The following ESPL1 variants were observed in gnomAD, a reference collection of about 807,000 sequenced individuals.
The protein encoded by ESPL1 is extra spindle pole bodies like 1, separase, also known as separin.
ESPL1 carries 50 observed loss-of-function variants against 217.2 expected under a neutral mutation model. The ratio of observed to expected loss-of-function variants is 0.23; its 90% CI spans 0.18 to 0.29. The LOEUF is 0.29. ESPL1 is among the 10% of genes least tolerant of loss of function. The pLI, the probability that ESPL1 is intolerant of heterozygous loss-of-function variation, is 1.00. For missense variants in ESPL1, 1,834 were observed against 2,603.0 expected (o/e 0.70, Z 6.43); for synonymous variants, 994 against 1,081.3 (o/e 0.92, Z 1.58).
intron 7 of ESPL1, 52 bp from the exon 8 acceptor site, chr12:53,276,568 A>G: frequency 6.6e-7 from 1 of 1,518,336 alleles, no homozygotes. Context: ...CAGGTAGCAG[A>G]GGCTTTATGC....
rs771535923 is a variant in ESPL1 at position 53,277,497 on chromosome 12, G to T, written c.2113G>T (p.Ala705Ser). ...TATCGAGCGGGATCGGAGAGCCCAG[G>T]CCCCTGGTAACTTGGAGGAATTTGA... ...EGIERDRRAQ[A>S]PGNLEEFEVN... is the part of the protein sequence containing the mutation. The change falls in exon 10 of 31, where the codon GCC (alanine) becomes TCC (serine). Residue 705 changes from alanine to serine, a missense_variant. By Grantham distance (99) the Ala-to-Ser change is moderately conservative (BLOSUM62 1). Transcript: ENST00000257934. 54 of 1,614,066 alleles carry T rather than the reference G, an allele frequency of 3.3e-5. No individual in the cohort carries two copies. Among genetic ancestry groups the T allele is most frequent in the Non-Finnish European group, 4.4e-5 (52 of 1,180,042 alleles).
In ESPL1 at chr12:53,284,124, G is replaced by A. The variant is rs767548525; in HGVS notation, c.3144G>A (p.Gln1048=). ...CCCGCAATGACATTGATCTCTGTCA[G>A]TCGGACCTGCAGCAGGTTCTGTTCT... The part of the protein sequence containing the change: ...ELARNDIDLC[Q]SDLQQVLFLL... Residue 1048 remains glutamine, a synonymous_variant, in exon 17 of 31, where the codon CAG becomes CAA. Coordinates refer to ENST00000257934, the MANE Select transcript of ESPL1 (RefSeq NM_012291.5). 7 of 1,614,088 alleles carry A rather than the reference G, an allele frequency of 4.3e-6. No individual in the cohort carries two copies. The Admixed American group carries it at 8.3e-5, about 19-fold the overall frequency.
At position 53,292,001 on chromosome 12, in the gene ESPL1, G is replaced by T. The variant is rs539162861; in HGVS notation, c.5709G>T (p.Pro1903=). ...TTGCCCAGGACTTGCAGAAGCTGCC[G>T]TGGGAAAGCATGCCCAGCCTCCAAG... ...LVLDKDLQKL[P]WESMPSLQAL... The change falls in exon 27 of 31, where the codon CCG becomes CCT. Residue 1903 remains proline (P), a synonymous_variant. Transcript: ENST00000257934. This position sits in a 1 kb window ranked among gnomAD's most constrained non-coding sequence, Gnocchi z 4.5. 5.6e-6 allele frequency: 9 copies of T among 1,613,986 alleles called. No homozygotes were observed. Among genetic ancestry groups the T allele is most frequent in the Non-Finnish European group, 7.6e-6 (9 of 1,179,974 alleles).
At chr12:53,277,252 A>C (rs780596537) in intron 9 of ESPL1, 25 bp downstream of exon 9, 2 of 1,598,162 alleles carry the variant, frequency 1.3e-6, no homozygotes, top group East Asian at 4.5e-5. Flanking sequence ...TGTGGGGCTC[A>C]CCAGAACTGG....
intron 6 of ESPL1, among the ~76,000 whole-genome samples, chr12:53,273,876 G>C (rs755615627): frequency 1.6e-4 from 12 of 76,976 alleles, no homozygotes; most frequent in Non-Finnish European, 2.2e-4. Flanking sequence ...TGGAGACTGA[G>C]TCTTGCTCTT....
In ESPL1 at chr12:53,286,279, G is replaced by A; in HGVS notation, c.3543G>A (p.Leu1181=). The change falls in exon 18 of 31, where the codon CTG becomes CTA. Residue 1181 remains leucine, a synonymous_variant. Transcript: ENST00000257934. The surrounding 1 kb of genome is among the most constrained non-coding windows in gnomAD (Gnocchi z 5.3). ...CCATGGGCCACCAAGCCCAGGGTCT[G>A]GATCTGCTGCAGGTCGTGCTGAAGG... is the stretch of plus-strand genomic sequence containing the variant. ...RLAMGHQAQG[L]DLLQVVLKGC... is the part of the protein sequence containing the mutation. The A allele has an allele frequency of 6.2e-7, 1 of 1,614,208 alleles. No individual in the cohort carries two copies. Among genetic ancestry groups the A allele is most frequent in the Non-Finnish European group, 8.5e-7 (1 of 1,180,042 alleles).
chr12:53,289,716 C>A, intron 22 of ESPL1, 122 bp downstream of exon 22: 2 of 794,062 alleles, frequency 2.5e-6, no homozygotes, highest in Non-Finnish European at 3.9e-6. Context: ...TATGTCATAC[C>A]TTTTCACCTG....
Position 53,282,149 on chromosome 12 carries a change from A to T in ESPL1, c.2620-115A>T. 1.2e-6 allele frequency: 1 copy of T among 835,512 alleles called. No individual in the cohort carries two copies. The highest frequency in any genetic ancestry group is 1.6e-5 in the South Asian group (1 of 61,912). The allele number at this position is 835,512 out of a possible 1,614,324, so 51.8% of individuals were successfully genotyped here. A position where few individuals can be genotyped will look rare whatever the true frequency, so the allele number is the denominator to read the frequency against. On this transcript the variant is annotated intron_variant, in intron 13 of 30. Transcript: ENST00000257934. The surrounding 1 kb of genome is among the most constrained non-coding windows in gnomAD (Gnocchi z 4.0). The stretch of plus-strand genomic sequence containing the variant: ...CCAGGCAAATATTCAGAAAATTCTA[A>T]AATCTTTCTAATACCCAGGGCCTTC...
chr12:53,276,308 A>G (rs1592482096), intron 7 of ESPL1, among the ~76,000 whole-genome samples: 1 of 152,322 alleles, frequency 6.6e-6, no homozygotes, highest in East Asian at 1.9e-4. Flanking sequence ...TGCTTGAGAA[A>G]GCCGGCATGC....
intron 12 of ESPL1, among the ~76,000 whole-genome samples, chr12:53,280,987 C>T (rs1262513272): frequency 6.7e-6 from 1 of 149,346 alleles, no homozygotes; most frequent in East Asian, 2.0e-4. Flanking sequence ...AGCGAAACTC[C>T]GTCCTAAAAA....
At position 53,288,222 on chromosome 12, in the gene ESPL1, A is replaced by G; in HGVS notation, c.4427A>G (p.Asp1476Gly). The change falls in exon 19 of 31, where the codon GAC (aspartate) becomes GGC (glycine). Residue 1476 changes from aspartate (D) to glycine (G), a missense_variant. By Grantham distance (94) the Asp-to-Gly change is moderately conservative. Around this residue, in one of 5 missense-constraint regions of ESPL1, gnomAD observed 681 missense variants for 808.0 expected, o/e 0.84. Coordinates refer to ENST00000257934, the MANE Select transcript of ESPL1 (RefSeq NM_012291.5). Reference protein sequence around the residue: ...CEERRPQRASDQARPGPEIMR... With the variant: ...CEERRPQRASGQARPGPEIMR... The stretch of plus-strand genomic sequence containing the variant: ...GAGCGGCGTCCCCAGAGGGCCAGTG[A>G]CCAGGCCAGGCCTGGCCCTGAGATC... 1 of 1,610,646 alleles carries G rather than the reference A, an allele frequency of 6.2e-7. No homozygotes were observed. Among genetic ancestry groups the G allele is most frequent in the Non-Finnish European group, 8.5e-7 (1 of 1,178,874 alleles).
At chr12:53,290,007 G>A in intron 22 of ESPL1, 78 bp from the exon 23 acceptor site, 1 of 1,523,512 alleles carries the variant, frequency 6.6e-7, no homozygotes, top group Non-Finnish European at 9.0e-7. Flanking sequence ...TTGAGTGATG[G>A]ATAGGAATTG....
In ESPL1 at chr12:53,288,000, A is replaced by G. The variant is rs1943979836; in HGVS notation, c.4205A>G (p.Glu1402Gly). The change falls in exon 19 of 31, where the codon GAA (glutamate) becomes GGA (glycine). Residue 1402 changes from glutamate to glycine, a missense_variant. By Grantham distance (98) the Glu-to-Gly change is moderately conservative. Transcript: ENST00000257934. The part of the protein sequence containing the change: ...KVNFSDDSDL[E>G]DPVSAEAWLA... ...AACTTCAGTGATGACAGTGACTTGGAAGACCCTGTCTCAGCTGAGGCCTGG... is the reference window on the plus strand; with the variant it reads ...AACTTCAGTGATGACAGTGACTTGGGAGACCCTGTCTCAGCTGAGGCCTGG... 6.2e-7 allele frequency: 1 copy of G among 1,609,878 alleles called. No individual in the cohort carries two copies. Among genetic ancestry groups the G allele is most frequent in the Non-Finnish European group, 8.5e-7 (1 of 1,178,164 alleles).
chr12:53,293,428 T>C lies in ESPL1; in HGVS notation c.6317T>C (p.Ile2106Thr), dbSNP rs750934236. ...CAAGCTCCCCGACTCAAGTATCTTA[T>C]TGGGGCTGCACCTATAGCCTATGGC... The part of the protein sequence containing the change: ...ARQAPRLKYL[I>T]GAAPIAYGLP... The change falls in exon 31 of 31, where the codon ATT (isoleucine) becomes ACT (threonine). Residue 2106 changes from isoleucine (I) to threonine (T), a missense_variant. This residue lies in a region of ESPL1 where 295 missense variants were observed against 519.8 expected (regional missense o/e 0.57). Coordinates refer to ENST00000257934, the MANE Select transcript of ESPL1 (RefSeq NM_012291.5). This position sits in a 1 kb window ranked among gnomAD's most constrained non-coding sequence, Gnocchi z 4.2. The C allele has an allele frequency of 2.6e-5, 42 of 1,614,038 alleles. No homozygotes were observed. Among genetic ancestry groups the C allele is most frequent in the African/African-American group, 6.7e-5 (5 of 74,912 alleles).
rs901225361 is a variant in ESPL1, at chr12:53,282,822, T to A, written c.2792-307T>A. On this transcript the variant is annotated intron_variant, in intron 14 of 30. Transcript: ENST00000257934. This position sits in a 1 kb window ranked among gnomAD's most constrained non-coding sequence, Gnocchi z 4.0. Reference sequence around the variant, plus strand: ...GCATGCGCCACTACGCCCGACTAATTTTTGTATTATTAGTAGAGGTGGGGT... The same window carrying A: ...GCATGCGCCACTACGCCCGACTAATATTTGTATTATTAGTAGAGGTGGGGT... 3.3e-5 allele frequency among the ~76,000 whole-genome samples: 5 copies of A among 152,122 alleles called. No individual in the cohort carries two copies. Among genetic ancestry groups the A allele is most frequent in the African/African-American group, 1.2e-4 (5 of 41,426 alleles).
rs770201890 is a variant in ESPL1 at position 53,283,516 on chromosome 12, A to G, written c.3055A>G (p.Thr1019Ala). The G allele has an allele frequency of 6.2e-7, 1 of 1,614,146 alleles. No individual in the cohort carries two copies. The highest frequency in any genetic ancestry group is 2.2e-5 in the East Asian group (1 of 44,880). The change falls in exon 16 of 31, where the codon ACA (threonine) becomes GCA (alanine). Residue 1019 changes from threonine (T) to alanine (A), a missense_variant. By Grantham distance (58) the Thr-to-Ala change is moderately conservative (BLOSUM62 0). Transcript: ENST00000257934. ...TTGCTTGGAGGCCCTAAAACTTACA[A>G]CAAAGCTGCAGATACCACGCCAGTA... ...AFCLEALKLT[T>A]KLQIPRQCAL...
chr12:53,283,181 C>T lies in ESPL1; in HGVS notation c.2844C>T (p.Ser948=), dbSNP rs769070113. 6.2e-7 allele frequency: 1 copy of T among 1,614,210 alleles called. No homozygotes were observed. The highest frequency in any genetic ancestry group is 8.5e-7 in the Non-Finnish European group (1 of 1,180,010). The part of the protein sequence containing the change: ...ALIDSHKLLR[S]IILLLMGSDI... ...TAGACTCCCATAAGCTCCTCCGAAG[C>T]ATCATCCTCCTGCTGATGGGCAGTG... Residue 948 remains serine, a synonymous_variant, in exon 15 of 31, where the codon AGC becomes AGT. Transcript: ENST00000257934.
rs774904199 is a variant in ESPL1, at chr12:53,286,184, C to T, written c.3448C>T (p.Leu1150Phe). The T allele has an allele frequency of 1.2e-6, 2 of 1,614,274 alleles. No homozygotes were observed. Among genetic ancestry groups the T allele is most frequent in the South Asian group, 1.1e-5 (1 of 91,092 alleles). ...CCATTCACCCACCTGTGACTGCTCG[C>T]TCTGCGCCAGCCCTGTCCTCACAGC... ...LSHSPTCDCS[L>F]CASPVLTAVC... The change falls in exon 18 of 31, where the codon CTC becomes TTC. Residue 1150 changes from leucine (L) to phenylalanine (F), a missense_variant. Leu to Phe is a conservative substitution (Grantham distance 22). Transcript: ENST00000257934. This position sits in a 1 kb window ranked among gnomAD's most constrained non-coding sequence, Gnocchi z 5.3.
chr12:53,287,825 T>G (rs1397125850), intron 18 of ESPL1, 147 bp from the exon 19 acceptor site: 1 of 740,876 alleles, frequency 1.3e-6, no homozygotes, highest in South Asian at 1.9e-5. Context: ...ATCTAGAGTG[T>G]TGGCTGTCAT....
Sources: gnomAD v4.1 joint callset for allele counts (sites outside exome capture counted in the v4.1 genomes callset) on GRCh38, gnomAD v4.1.1 for gene constraint, gnomAD v4.1.1 regional missense constraint, Gnocchi (gnomAD v3.1) non-coding constraint, MANE v1.5 for transcripts, NCBI Gene and HGNC (gene_info 2026-07-23, HGNC 2026-07-21) for gene names.